Variants in PITPNM3 observed in about 807,000 individuals in gnomAD.
PITPNM3 encodes the protein membrane-associated phosphatidylinositol transfer protein 3.
A neutral mutation model predicts 102.0 loss-of-function variants in PITPNM3; 26 were observed. The observed-to-expected ratio is 0.25, with a 90% CI of 0.19 to 0.35. The LOEUF (loss-of-function observed/expected upper bound fraction) is 0.35. PITPNM3 is among the 10% of genes least tolerant of loss of function. PITPNM3 has a pLI of 1.00. For missense variants in PITPNM3, 1,083 were observed against 1,346.1 expected (o/e 0.80, Z 3.06); for synonymous variants, 578 against 558.6 (o/e 1.03, Z -0.49).
intron 4 of PITPNM3, among the ~76,000 whole-genome samples, chr17:6,485,630 G>A (rs1379947918): frequency 6.6e-6 from 1 of 152,232 alleles, no homozygotes; most frequent in Non-Finnish European, 1.5e-5. Flanking sequence ...CTCCCAGAGA[G>A]TTAAGGTCGG....
chr17:6,554,700 C>T (rs1242184651), intron 1 of PITPNM3, among the ~76,000 whole-genome samples: 1 of 152,102 alleles, frequency 6.6e-6, no homozygotes, highest in Non-Finnish European at 1.5e-5. Context: ...CCTATCAGGG[C>T]AGTGACAGAG....
intron 4 of PITPNM3, among the ~76,000 whole-genome samples, chr17:6,489,586 C>T (rs1396375218): frequency 6.6e-6 from 1 of 151,848 alleles, no homozygotes; most frequent in Non-Finnish European, 1.5e-5. Context: ...CTAATGCCTC[C>T]ACCCCTCAGC....
intron 5 of PITPNM3, 65 bp downstream of exon 5, chr17:6,484,151 C>A: frequency 6.7e-7 from 1 of 1,497,636 alleles, no homozygotes; most frequent in South Asian, 1.1e-5. Flanking sequence ...GCCTATGATC[C>A]GAGGGCTCTT....
intron 10 of PITPNM3, chr17:6,473,216 C>T (rs1334740878): frequency 3.0e-6 from 1 of 331,164 alleles, no homozygotes; most frequent in East Asian, 8.2e-5. Context: ...TTCCTTCAGG[C>T]AGGTCAGCTG....
rs1376216281 is a variant in PITPNM3, at chr17:6,458,598, C to G, written c.2491-876G>C. Among the ~76,000 whole-genome samples the G allele has an allele frequency of 6.6e-6, 1 of 152,134 alleles. No individual in the cohort carries two copies. On this transcript the variant is annotated intron_variant, in intron 18 of 19. Coordinates refer to ENST00000262483, the MANE Select transcript of PITPNM3 (RefSeq NM_031220.4). The surrounding 1 kb of genome is among the most constrained non-coding windows in gnomAD (Gnocchi z 5.1). Reference sequence around the variant, plus strand: ...ACTGTGAACTTCCACATGTCCGCTCCGCTCAGGGCTTCTGCCCCCTCCCCA... The same window carrying G: ...ACTGTGAACTTCCACATGTCCGCTCGGCTCAGGGCTTCTGCCCCCTCCCCA...
At chr17:6,504,542 A>G (rs1195158882) in intron 3 of PITPNM3, among the ~76,000 whole-genome samples, 2 of 152,106 alleles carry the variant, frequency 1.3e-5, no homozygotes, top group Non-Finnish European at 2.9e-5. Flanking sequence ...AGGGGTAAAC[A>G]ATGGGAAGAG....
intron 11 of PITPNM3, among the ~76,000 whole-genome samples, chr17:6,471,787 C>T (rs1429793432): frequency 1.3e-5 from 2 of 152,162 alleles, no homozygotes; most frequent in African/African-American, 4.8e-5. Context: ...ATGGGGACTC[C>T]AGCCTGAGAG....
intron 18 of PITPNM3, 84 bp downstream of exon 18, chr17:6,461,288 AC>A: frequency 6.7e-7 from 1 of 1,493,870 alleles, no homozygotes; most frequent in Non-Finnish European, 9.3e-7. Flanking sequence ...ACAAGGCCCC[AC>A]CCGGGAGGAG....
chr17:6,539,520 A>C (rs1909626063), intron 1 of PITPNM3, among the ~76,000 whole-genome samples: 2 of 152,212 alleles, frequency 1.3e-5, no homozygotes, highest in African/African-American at 2.4e-5. Flanking sequence ...TGCAGGATAC[A>C]AGATCGACAT....
chr17:6,525,473 G>C lies in PITPNM3; in HGVS notation c.119-10C>G. On this transcript the variant is annotated splice_polypyrimidine_tract_variant and intron_variant, in intron 2 of 19. Transcript: ENST00000262483. ...CCTTCAGCCATCTCCTCTGTGGGAAGAAGCAGCGGTGAGCAGAAGCAGGTG... is the reference window on the plus strand; with the variant it reads ...CCTTCAGCCATCTCCTCTGTGGGAACAAGCAGCGGTGAGCAGAAGCAGGTG... 1 of 1,608,970 alleles carries C rather than the reference G, an allele frequency of 6.2e-7. No individual in the cohort carries two copies. The highest frequency in any genetic ancestry group is 8.5e-7 in the Non-Finnish European group (1 of 1,175,270).
chr17:6,464,084 C>G (rs1035030133), intron 16 of PITPNM3, 86 bp downstream of exon 16: 1 of 1,599,900 alleles, frequency 6.3e-7, no homozygotes, highest in Non-Finnish European at 8.6e-7. Context: ...ACAAAGAACC[C>G]CAAGGACCCC....
At chr17:6,522,580 C>T (rs1456292146) in intron 3 of PITPNM3, among the ~76,000 whole-genome samples, 1 of 152,106 alleles carries the variant, frequency 6.6e-6, no homozygotes, top group Non-Finnish European at 1.5e-5. Context: ...AAGGAGTTGT[C>T]ATCGAGGTGG....
intron 1 of PITPNM3, among the ~76,000 whole-genome samples, chr17:6,554,318 CAAAAAAAAAAA>C (rs35188321): frequency 2.7e-5 from 2 of 74,532 alleles, no homozygotes; most frequent in African/African-American, 5.4e-5. Context: ...GACTCCATCT[CAAAAAAAAAAA>C]AAAAAAAAAA....
chr17:6,522,991 G>A (rs1378242091), intron 3 of PITPNM3, among the ~76,000 whole-genome samples: 2 of 152,114 alleles, frequency 1.3e-5, no homozygotes, highest in African/African-American at 4.8e-5. Context: ...GTTCTGTCAT[G>A]TTGTGGGAAT....
At chr17:6,530,997 G>A (rs1909114427) in intron 2 of PITPNM3, among the ~76,000 whole-genome samples, 1 of 152,178 alleles carries the variant, frequency 6.6e-6, no homozygotes, top group South Asian at 2.1e-4. Flanking sequence ...AACCTCAGGG[G>A]AAGGGCTGGG....
chr17:6,548,427 G>C (rs560211441), intron 1 of PITPNM3, among the ~76,000 whole-genome samples: 23 of 152,240 alleles, frequency 1.5e-4, no homozygotes, highest in African/African-American at 5.3e-4. Flanking sequence ...GCTGAAAATA[G>C]CTCTTTTTAC....
At chr17:6,536,971 G>A (rs191792074) in intron 2 of PITPNM3, among the ~76,000 whole-genome samples, 34 of 152,280 alleles carry the variant, frequency 2.2e-4, no homozygotes, top group African/African-American at 8.2e-4. Context: ...GGTCTTCTCT[G>A]CTCAATTCCA....
chr17:6,508,300 G>C (rs942096676), intron 3 of PITPNM3, among the ~76,000 whole-genome samples: 1 of 152,254 alleles, frequency 6.6e-6, no homozygotes, highest in African/African-American at 2.4e-5. Context: ...GGGCACGCAG[G>C]TGCTTTCTGG....
intron 5 of PITPNM3, among the ~76,000 whole-genome samples, chr17:6,484,000 G>A (rs1054193584): frequency 2.0e-5 from 3 of 152,168 alleles, no homozygotes; most frequent in Admixed American, 6.5e-5. Flanking sequence ...GAAGGACATG[G>A]GCTGCCAGGA....
Sources: allele counts gnomAD v4.1 joint callset (sites outside exome capture counted in the v4.1 genomes callset), GRCh38; gene constraint gnomAD v4.1.1; non-coding constraint Gnocchi (gnomAD v3.1); transcripts MANE v1.5; gene names NCBI Gene and HGNC (gene_info 2026-07-23, HGNC 2026-07-21).